Variants in CYP27A1 observed in about 807,000 individuals in gnomAD.
CYP27A1 encodes the protein sterol 26-hydroxylase, mitochondrial.
Under a neutral mutation model 58.2 loss-of-function variants are expected in CYP27A1, and 46 were observed. The ratio of observed to expected loss-of-function variants is 0.79; its 90% CI spans 0.62 to 1.01. CYP27A1 has a LOEUF of 1.01. Among genes scored for constraint, CYP27A1 ranks in the 50% least tolerant of loss-of-function variants. The probability of loss-of-function intolerance (pLI) is 0.00; values close to 1 mark genes in which losing one functional copy is unlikely to be tolerated. For synonymous variants in CYP27A1, 274 were observed against 285.1 expected (o/e 0.96, Z 0.39); for missense variants, 704 against 687.0 (o/e 1.02, Z -0.28).
chr2:218,803,076 C>A (rs1353244270), intron 1 of CYP27A1, among the ~76,000 whole-genome samples: 2 of 152,162 alleles, frequency 1.3e-5, no homozygotes. Flanking sequence ...TCCCAAGTAG[C>A]TGGGACTACA....
At chr2:218,783,943 G>C (rs1342095975) in intron 1 of CYP27A1, among the ~76,000 whole-genome samples, 3 of 152,204 alleles carry the variant, frequency 2.0e-5, no homozygotes, top group Admixed American at 6.5e-5. Flanking sequence ...TCTTGAGCAA[G>C]CATGGGGTGA....
chr2:218,791,480 C>T (rs1943492237), intron 1 of CYP27A1, among the ~76,000 whole-genome samples: 1 of 152,054 alleles, frequency 6.6e-6, no homozygotes, highest in Non-Finnish European at 1.5e-5. Flanking sequence ...GGGGCATAAA[C>T]AAAGAAAAAA....
intron 1 of CYP27A1, among the ~76,000 whole-genome samples, chr2:218,786,947 A>C (rs1200197637): frequency 6.6e-6 from 1 of 152,040 alleles, no homozygotes; most frequent in East Asian, 1.9e-4. Context: ...GGCATGCACC[A>C]CCACTCCTGG....
At position 218,812,553 on chromosome 2, in the gene CYP27A1, T is replaced by C; in HGVS notation, c.648T>C (p.Ala216=). 6.2e-7 allele frequency: 1 copy of C among 1,614,210 alleles called. No individual in the cohort carries two copies. Among genetic ancestry groups the C allele is most frequent in the South Asian group, 1.1e-5 (1 of 91,088 alleles). The change falls in exon 4 of 9, where the codon GCT becomes GCC. Residue 216 remains alanine (A), a splice_region_variant and synonymous_variant. Coordinates refer to ENST00000258415, the MANE Select transcript of CYP27A1 (RefSeq NM_000784.4). ...TGATGGCCTCTGTGCACTACTCAGCTATTTGCTACATCCTGTTCGAGAAAC... is the reference window on the plus strand; with the variant it reads ...TGATGGCCTCTGTGCACTACTCAGCCATTTGCTACATCCTGTTCGAGAAAC... ...AQLFYYFALE[A]ICYILFEKRI...
rs587778778 is a variant in CYP27A1, at chr2:218,814,187, G to A, written c.1184G>A (p.Arg395His). Residue 395 changes from arginine (R) to histidine (H), a missense_variant and splice_region_variant, in exon 6 of 9, where the codon CGT (arginine) becomes CAT (histidine). Arg to His is a conservative substitution (Grantham distance 29). Transcript: ENST00000258415. ...AAAGCTGTGCTTAAGGAGACTCTGC[G>A]GTAGGACAGAATGCTGTTCTGGGGG... ...LLKAVLKETL[R>H]LYPVVPTNSR... is the part of the protein sequence containing the mutation. The A allele has an allele frequency of 2.4e-5, 38 of 1,614,096 alleles. No homozygotes were observed. Among genetic ancestry groups the A allele is most frequent in the African/African-American group, 6.7e-5 (5 of 74,930 alleles).
At chr2:218,802,227 AC>A (rs1232112401) in intron 1 of CYP27A1, among the ~76,000 whole-genome samples, 1 of 151,666 alleles carries the variant, frequency 6.6e-6, no homozygotes, top group Non-Finnish European at 1.5e-5. Context: ...ACGGATAAGA[AC>A]CCCTTCCCCT....
intron 4 of CYP27A1, 81 bp from the exon 5 acceptor site, chr2:218,812,843 A>C (rs1943738290): frequency 6.2e-7 from 1 of 1,606,328 alleles, no homozygotes; most frequent in African/African-American, 1.3e-5. Flanking sequence ...CCCTCATGCT[A>C]CCAGTTGTCG....
At chr2:218,801,454 T>G (rs981181687) in intron 1 of CYP27A1, among the ~76,000 whole-genome samples, 15 of 151,992 alleles carry the variant, frequency 9.9e-5, no homozygotes, top group Non-Finnish European at 2.2e-4. Context: ...TGCAGTGAGC[T>G]GACATGGTGC....
In CYP27A1 at chr2:218,812,292, C is replaced by A; in HGVS notation, c.517C>A (p.Leu173Ile). 6.2e-7 allele frequency: 1 copy of A among 1,614,186 alleles called. No homozygotes were observed. The highest frequency in any genetic ancestry group is 1.1e-5 in the South Asian group (1 of 91,090). ...QRLLKPAEAA[L>I]YTDAFNEVID... is the part of the protein sequence containing the mutation. ...GTTGCTGAAGCCAGCGGAAGCAGCG[C>A]TCTATACGGATGCTTTCAATGAGGT... The change falls in exon 3 of 9, where the codon CTC becomes ATC. Residue 173 changes from leucine to isoleucine, a missense_variant. Coordinates refer to ENST00000258415, the MANE Select transcript of CYP27A1 (RefSeq NM_000784.4).
At chr2:218,793,356 A>C (rs1361507353) in intron 1 of CYP27A1, among the ~76,000 whole-genome samples, 1 of 152,176 alleles carries the variant, frequency 6.6e-6, no homozygotes, top group African/African-American at 2.4e-5. Flanking sequence ...GATTAGAGGC[A>C]TGAACCATCC....
intron 1 of CYP27A1, among the ~76,000 whole-genome samples, chr2:218,802,123 A>C (rs547537084): frequency 6.6e-6 from 1 of 152,078 alleles, no homozygotes; most frequent in Non-Finnish European, 1.5e-5. Flanking sequence ...CCTCTTATTT[A>C]AGACTAGGCT....
Position 218,812,305 on chromosome 2 carries a change from C to T in CYP27A1, c.530C>T (p.Ala177Val), listed in dbSNP as rs773103625. The change falls in exon 3 of 9, where the codon GCT becomes GTT. Residue 177 changes from alanine to valine, a missense_variant. Transcript: ENST00000258415. Reference sequence around the variant, plus strand: ...GCGGAAGCAGCGCTCTATACGGATGCTTTCAATGAGGTGATTGATGACTTT... The same window carrying T: ...GCGGAAGCAGCGCTCTATACGGATGTTTTCAATGAGGTGATTGATGACTTT... ...KPAEAALYTDAFNEVIDDFMT... is the reference protein window; with the variant it reads ...KPAEAALYTDVFNEVIDDFMT... The T allele has an allele frequency of 6.2e-7, 1 of 1,614,226 alleles. No individual in the cohort carries two copies. Among genetic ancestry groups the T allele is most frequent in the Non-Finnish European group, 8.5e-7 (1 of 1,180,022 alleles).
rs1324296042 is a variant in CYP27A1, at chr2:218,812,701, C to G, written c.796C>G (p.Pro266Ala). The change falls in exon 4 of 9, where the codon CCT becomes GCT. Residue 266 changes from proline to alanine, a missense_variant. By Grantham distance (27) the Pro-to-Ala change is conservative. Transcript: ENST00000258415. ...FLPKWTRPVL[P>A]FWKRYLDGWN... ...CCCCAAGTGGACTCGCCCCGTGCTG[C>G]CTTTCTGGAAGCGATACCTGGATGG... The G allele has an allele frequency of 1.9e-6, 3 of 1,614,234 alleles. No individual in the cohort carries two copies. The highest frequency in any genetic ancestry group is 8.5e-7 in the Non-Finnish European group (1 of 1,180,042).
Position 218,782,324 on chromosome 2 carries a change from C to T in CYP27A1, c.142C>T (p.Pro48Ser), listed in dbSNP as rs1943399987. 1.2e-6 allele frequency: 2 copies of T among 1,612,844 alleles called. No individual in the cohort carries two copies. The highest frequency in any genetic ancestry group is 2.2e-5 in the South Asian group (2 of 90,926). The change falls in exon 1 of 9, where the codon CCT becomes TCT. Residue 48 changes from proline (P) to serine (S), a missense_variant. Coordinates refer to ENST00000258415, the MANE Select transcript of CYP27A1 (RefSeq NM_000784.4). This position sits in a 1 kb window ranked among gnomAD's most constrained non-coding sequence, Gnocchi z 4.1. Reference sequence around the variant, plus strand: ...GGCCACCGGAGCTCCCGGAGCCGGGCCTGGTGTCCGGCGGCGGCAACGGAG... The same window carrying T: ...GGCCACCGGAGCTCCCGGAGCCGGGTCTGGTGTCCGGCGGCGGCAACGGAG... ...DKATGAPGAG[P>S]GVRRRQRSLE... is the part of the protein sequence containing the mutation.
chr2:218,806,810 A>G (rs690833), intron 1 of CYP27A1, among the ~76,000 whole-genome samples: 41 of 152,288 alleles, frequency 2.7e-4, no homozygotes, highest in African/African-American at 9.4e-4. Context: ...TGTAGTGAGG[A>G]TTGAATGAGC....
At chr2:218,809,382 T>A (rs906965624) in intron 1 of CYP27A1, among the ~76,000 whole-genome samples, 195 bp from the exon 2 acceptor site, 8 of 151,742 alleles carry the variant, frequency 5.3e-5, no homozygotes, top group African/African-American at 1.5e-4. Flanking sequence ...GCCCATTTTT[T>A]AAATTTGCTC....
rs1012254888 is a variant in CYP27A1 at position 218,815,141 on chromosome 2, T to A, written c.*111T>A. 113 of 1,362,962 alleles carry A rather than the reference T, an allele frequency of 8.3e-5. No homozygotes were observed. Among genetic ancestry groups the A allele is most frequent in the Non-Finnish European group, 1.0e-4 (98 of 969,152 alleles). The allele number at this position is 1,362,962 out of a possible 1,614,324, so 84.4% of individuals were successfully genotyped here. A position where few individuals can be genotyped will look rare whatever the true frequency, so the allele number is the denominator to read the frequency against. ...GAGGGAGAGAAGGAGGCCGCCAGAC[T>A]CGAGAGGTGGGAGGAACTCCTTGCA... is the stretch of plus-strand genomic sequence containing the variant. On this transcript the variant is annotated 3_prime_UTR_variant, in exon 9 of 9. Transcript: ENST00000258415.
In CYP27A1 at chr2:218,782,171, C is replaced by T; in HGVS notation, c.-12C>T. 1 of 1,534,722 alleles carries T rather than the reference C, an allele frequency of 6.5e-7. No homozygotes were observed. The highest frequency in any genetic ancestry group is 2.5e-5 in the East Asian group (1 of 40,786). ...CACTCGACCCAAAGGTGCAGGCGCG[C>T]GAGCACAACCCATGGCTGCGCTGGG... On this transcript the variant is annotated 5_prime_UTR_variant, in exon 1 of 9. Coordinates refer to ENST00000258415, the MANE Select transcript of CYP27A1 (RefSeq NM_000784.4). This position sits in a 1 kb window ranked among gnomAD's most constrained non-coding sequence, Gnocchi z 4.1.
At chr2:218,793,810 T>C (rs1943519720) in intron 1 of CYP27A1, among the ~76,000 whole-genome samples, 1 of 151,532 alleles carries the variant, frequency 6.6e-6, no homozygotes, top group Admixed American at 6.6e-5. Flanking sequence ...CGCCCCCAGG[T>C]TCAAGCAATT....
Sources: allele counts gnomAD v4.1 joint callset (sites outside exome capture counted in the v4.1 genomes callset), GRCh38; gene constraint gnomAD v4.1.1; non-coding constraint Gnocchi (gnomAD v3.1); transcripts MANE v1.5; gene names NCBI Gene and HGNC (gene_info 2026-07-23, HGNC 2026-07-21).